ITGA2: variants seen among roughly 807,000 people sequenced by gnomAD.
The protein encoded by ITGA2 is integrin subunit alpha 2.
In ITGA2, 101 loss-of-function variants were observed where a neutral mutation model predicts 146.3. The ratio of observed to expected loss-of-function variants is 0.69; its 90% CI spans 0.59 to 0.81. The LOEUF (loss-of-function observed/expected upper bound fraction) is 0.81, where lower values mean the gene tolerates loss of function less well. Ranked by LOEUF, ITGA2 falls within the 40% of genes least tolerant of loss-of-function variation. ITGA2 has a pLI of 0.00. For missense variants in ITGA2, 1,281 were observed against 1,402.7 expected, an observed-to-expected ratio of 0.91 and a Z score of 1.39; for synonymous variants, 477 against 487.1, an observed-to-expected ratio of 0.98 and a Z score of 0.27.
chr5:53,021,484 C>A (rs946852934), intron 1 of ITGA2, among the ~76,000 whole-genome samples: 11 of 152,190 alleles, frequency 7.2e-5, no homozygotes, highest in African/African-American at 2.7e-4. Context: ...AGATAACATT[C>A]TCCCAGACTC....
chr5:53,002,481 A>G (rs944253673), intron 1 of ITGA2, among the ~76,000 whole-genome samples: 1 of 152,200 alleles, frequency 6.6e-6, no homozygotes, highest in Admixed American at 6.5e-5. Flanking sequence ...TACTCACTAT[A>G]TGCAAATGAA....
At position 53,044,305 on chromosome 5, in the gene ITGA2, A is replaced by T. The variant is rs948322586; in HGVS notation, c.296-696A>T. On this transcript the variant is annotated intron_variant, in intron 3 of 29. Coordinates refer to ENST00000296585, the MANE Select transcript of ITGA2 (RefSeq NM_002203.4). Reference sequence around the variant, plus strand: ...AAAAAAAAAAAAAAAAAAAAAAAAAAAGAAAGGTGAACTTTTACAACAGTC... The same window carrying T: ...AAAAAAAAAAAAAAAAAAAAAAAAATAGAAAGGTGAACTTTTACAACAGTC... 1.2e-3 allele frequency among the ~76,000 whole-genome samples: 149 copies of T among 129,464 alleles called. No individual in the cohort carries two copies. The South Asian group carries it at 0.027, about 23-fold the overall frequency. The allele number at this position is 129,464 out of a possible 152,430, so 84.9% of individuals were successfully genotyped here. A position where few individuals can be genotyped will look rare whatever the true frequency, so the allele number is the denominator to read the frequency against.
intron 1 of ITGA2, among the ~76,000 whole-genome samples, chr5:53,006,113 G>T (rs1741835089): frequency 6.6e-6 from 1 of 152,090 alleles, no homozygotes. Flanking sequence ...TGCATGCTGG[G>T]CTTAATACCT....
chr5:52,993,036 C>T lies in ITGA2; in HGVS notation c.64+3504C>T, dbSNP rs935396064. On this transcript the variant is annotated intron_variant, in intron 1 of 29. Transcript: ENST00000296585. ...CCAAATACTCCCTTTGCCTTCATTG[C>T]ATTGTTGCTTTCACCCCTTTTCACT... Among the ~76,000 whole-genome samples the T allele has an allele frequency of 2.0e-5, 3 of 152,280 alleles. No homozygotes were observed. The East Asian group carries it at 5.8e-4, about 29-fold the overall frequency.
chr5:52,989,939 G>A (rs1007257305), intron 1 of ITGA2, among the ~76,000 whole-genome samples: 1 of 152,110 alleles, frequency 6.6e-6, no homozygotes, highest in Admixed American at 6.5e-5. Context: ...GACAGGTGCC[G>A]CGCCTGCCAG....
At chr5:53,016,181 T>C (rs1209661980) in intron 1 of ITGA2, among the ~76,000 whole-genome samples, 1 of 152,222 alleles carries the variant, frequency 6.6e-6, no homozygotes, top group African/African-American at 2.4e-5. Context: ...ATAGTGTCAA[T>C]GGTCTATGTA....
At chr5:53,080,700 C>A (rs1466104528) in intron 25 of ITGA2, 79 bp downstream of exon 25, 2 of 1,039,606 alleles carry the variant, frequency 1.9e-6, no homozygotes, top group Non-Finnish European at 3.0e-6. Flanking sequence ...TCATGTCTGA[C>A]ATTTTACAGA....
At chr5:53,032,897 A>G (rs1743290200) in intron 2 of ITGA2, among the ~76,000 whole-genome samples, 1 of 152,166 alleles carries the variant, frequency 6.6e-6, no homozygotes. Context: ...GGAAAGTCAC[A>G]CAACTTCTCT....
chr5:53,065,410 A>AT (rs1242573231), intron 14 of ITGA2, among the ~76,000 whole-genome samples: 2 of 151,978 alleles, frequency 1.3e-5, no homozygotes, highest in African/African-American at 4.8e-5. Flanking sequence ...TAATAAAGGA[A>AT]TTTTTAAAAA....
Position 53,067,117 on chromosome 5 carries a change from G to A in ITGA2, c.1944-1G>A. The A allele has an allele frequency of 6.2e-7, 1 of 1,609,772 alleles. No individual in the cohort carries two copies. The highest frequency in any genetic ancestry group is 8.5e-7 in the Non-Finnish European group (1 of 1,178,090). On this transcript the variant is annotated splice_acceptor_variant, in intron 15 of 29. Transcript: ENST00000296585. LOFTEE classifies it high-confidence loss of function. ...CATCTGTTACTCTTTATGTCTTTTA[G>A]GTCACAAAGTATTGCTGATGTAGCT...
chr5:53,080,595 T>G lies in ITGA2; in HGVS notation c.3013T>G (p.Tyr1005Asp), dbSNP rs1242781828. The G allele has an allele frequency of 6.2e-7, 1 of 1,613,454 alleles. No homozygotes were observed. The highest frequency in any genetic ancestry group is 1.3e-5 in the African/African-American group (1 of 75,002). Residue 1005 changes from tyrosine (Y) to aspartate (D), a missense_variant, in exon 25 of 30, where the codon TAC becomes GAC. This residue lies in a region of ITGA2 where 475 missense variants were observed against 530.5 expected (regional missense o/e 0.90). Coordinates refer to ENST00000296585, the MANE Select transcript of ITGA2 (RefSeq NM_002203.4). ...QYTKEKNPLM[Y>D]LTGVQTDKAG... ...TACCAAAGAAAAGAACCCACTGATG[T>G]ACCTAACTGGGGTGCAAACAGACAA...
At chr5:53,014,633 CCCT>C (rs1742313102) in intron 1 of ITGA2, among the ~76,000 whole-genome samples, 1 of 152,082 alleles carries the variant, frequency 6.6e-6, no homozygotes, top group Non-Finnish European at 1.5e-5. Context: ...AGGAAGGAGT[CCCT>C]CCTCCTCAAT....
intron 1 of ITGA2, among the ~76,000 whole-genome samples, chr5:52,996,960 T>C (rs1259965270): frequency 6.6e-6 from 1 of 152,248 alleles, no homozygotes; most frequent in Non-Finnish European, 1.5e-5. Flanking sequence ...TAACTTAGTG[T>C]TGTTTTCAAA....
chr5:53,039,098 T>C (rs541413822), intron 2 of ITGA2, among the ~76,000 whole-genome samples: 2 of 152,136 alleles, frequency 1.3e-5, no homozygotes, highest in Non-Finnish European at 2.9e-5. Context: ...ATCTCAAAAA[T>C]AATAATAATA....
intron 24 of ITGA2, among the ~76,000 whole-genome samples, chr5:53,079,846 G>A (rs1000720255): frequency 1.3e-5 from 2 of 151,968 alleles, no homozygotes; most frequent in African/African-American, 4.8e-5. Context: ...TCCCAGATCG[G>A]TTATGAGCTT....
intron 17 of ITGA2, among the ~76,000 whole-genome samples, chr5:53,070,656 A>G (rs1354623969): frequency 1.3e-5 from 2 of 151,916 alleles, no homozygotes; most frequent in Non-Finnish European, 2.9e-5. Context: ...GGTTTCTACT[A>G]TTAGATTTAA....
intron 2 of ITGA2, 84 bp downstream of exon 2, chr5:53,026,952 G>T (rs1742981418): frequency 1.6e-6 from 2 of 1,241,598 alleles, no homozygotes; most frequent in Non-Finnish European, 2.3e-6. Context: ...TCAAATTGGT[G>T]CCTGACTGTA....
intron 1 of ITGA2, among the ~76,000 whole-genome samples, chr5:52,996,180 C>A (rs913292925): frequency 2.0e-5 from 3 of 152,098 alleles, no homozygotes; most frequent in Non-Finnish European, 2.9e-5. Flanking sequence ...TGCCTTTAAG[C>A]AAACATGGGA....
At chr5:53,005,494 T>C (rs1302639561) in intron 1 of ITGA2, among the ~76,000 whole-genome samples, 1 of 151,118 alleles carries the variant, frequency 6.6e-6, no homozygotes, top group Non-Finnish European at 1.5e-5. Context: ...GGTAGGAGAA[T>C]TGCTGGAACC....
Sources: gnomAD v4.1 joint callset for allele counts (sites outside exome capture counted in the v4.1 genomes callset) on GRCh38, gnomAD v4.1.1 for gene constraint, gnomAD v4.1.1 regional missense constraint, MANE v1.5 for transcripts, NCBI Gene and HGNC (gene_info 2026-07-23, HGNC 2026-07-21) for gene names.